The following RRM2 variants were observed in gnomAD, a reference collection of about 807,000 sequenced individuals.
The protein encoded by RRM2 is ribonucleoside-diphosphate reductase subunit M2.
Under a neutral mutation model 45.9 loss-of-function variants are expected in RRM2, and 6 were observed. That is an observed-to-expected ratio of 0.13 (90% CI 0.07 to 0.26). RRM2 has a LOEUF of 0.26. RRM2 is among the 10% of genes least tolerant of loss of function. The pLI is 1.00. For synonymous variants in RRM2, 177 were observed against 173.0 expected, an observed-to-expected ratio of 1.02 and a Z score of -0.18; for missense variants, 343 against 489.5, an observed-to-expected ratio of 0.70 and a Z score of 2.82.
chr2:10,178,284 A>C (rs1663974730), intron 3 of RRM2, among the ~76,000 whole-genome samples: 1 of 137,728 alleles, frequency 7.3e-6, no homozygotes, highest in Non-Finnish European at 1.5e-5. Context: ...GTGCAATGGC[A>C]CCATCTCAGC....
chr2:10,131,565 C>T (rs1430979379), downstream of RRM2: 2 of 152,040 alleles, frequency 1.3e-5, no homozygotes, highest in Non-Finnish European at 2.9e-5. Flanking sequence ...ATGGTGACAC[C>T]CCATCTCTAC....
chr2:10,194,626 G>C (rs1664376584), intron 3 of RRM2, among the ~76,000 whole-genome samples: 1 of 152,258 alleles, frequency 6.6e-6, no homozygotes, highest in Non-Finnish European at 1.5e-5. Context: ...GGCCGGCCTG[G>C]TGTCCCGTGC....
At chr2:10,207,086 G>A (rs1664678106) in intron 3 of RRM2, among the ~76,000 whole-genome samples, 1 of 152,154 alleles carries the variant, frequency 6.6e-6, no homozygotes, top group Non-Finnish European at 1.5e-5. Flanking sequence ...GTCCAGAAAG[G>A]ACTCACAATC....
Position 10,128,836 on chromosome 2 carries a change from T to A in RRM2, c.799-12T>A, listed in dbSNP as rs1001724121. The A allele has an allele frequency of 1.7e-5, 28 of 1,602,906 alleles. No homozygotes were observed. Among genetic ancestry groups the A allele is most frequent in the Non-Finnish European group, 2.3e-5 (27 of 1,170,282 alleles). On this transcript the variant is annotated splice_polypyrimidine_tract_variant and intron_variant, in intron 7 of 9. Coordinates refer to ENST00000304567, the MANE Select transcript of RRM2 (RefSeq NM_001034.4). ...TCTTCTGGCTTTAGTGATCTTGAAC[T>A]TTTTTTTCTAGGGTTTACACTGTGA...
rs1224344252 is a variant in RRM2, at chr2:10,162,198, A to G, written n.482+19823A>G. 2.6e-5 allele frequency among the ~76,000 whole-genome samples: 4 copies of G among 152,068 alleles called. No homozygotes were observed. The South Asian group carries it at 8.3e-4, about 31-fold the overall frequency. The stretch of plus-strand genomic sequence containing the variant: ...CGGGATGCCCGGGTGCACAGAGGGG[A>G]GGAGACAGGGCACAGCCGAGCTGCC... On this transcript the variant is annotated intron_variant and non_coding_transcript_variant, in intron 3 of 3. Transcript: ENST00000381786.
At chr2:10,194,078 C>G (rs1431558334) in intron 3 of RRM2, among the ~76,000 whole-genome samples, 1 of 152,176 alleles carries the variant, frequency 6.6e-6, no homozygotes, top group African/African-American at 2.4e-5. Context: ...TAATTCAGTC[C>G]CATCATCATT....
At chr2:10,182,383 A>C (rs1211264361) in intron 3 of RRM2, among the ~76,000 whole-genome samples, 2 of 151,448 alleles carry the variant, frequency 1.3e-5, no homozygotes, top group Non-Finnish European at 3.0e-5. Context: ...AAACCCAAAA[A>C]AAATCCCACA....
At chr2:10,210,076 G>A (rs532672071) in intron 3 of RRM2, among the ~76,000 whole-genome samples, 64 of 152,220 alleles carry the variant, frequency 4.2e-4, no homozygotes, top group African/African-American at 1.5e-3. Context: ...GTGAACAAGG[G>A]CCCCTCCTTG....
chr2:10,181,754 CTTTTT>C (rs869117515), intron 3 of RRM2, among the ~76,000 whole-genome samples: 2 of 57,246 alleles, frequency 3.5e-5, no homozygotes, highest in African/African-American at 5.8e-5. Context: ...CTCTCTCTCT[CTTTTT>C]TTTTTTTTTT....
chr2:10,191,146 G>A (rs944475047), intron 3 of RRM2, among the ~76,000 whole-genome samples: 3 of 152,210 alleles, frequency 2.0e-5, no homozygotes, highest in Non-Finnish European at 4.4e-5. Flanking sequence ...AAGGAAGTCA[G>A]GAGTGTGGCT....
chr2:10,174,735 C>T (rs1226349763), intron 3 of RRM2, among the ~76,000 whole-genome samples: 1 of 152,048 alleles, frequency 6.6e-6, no homozygotes, highest in African/African-American at 2.4e-5. Flanking sequence ...GGCGTGGTGG[C>T]ACATGCCTGT....
Position 10,124,874 on chromosome 2 carries a change from A to G in RRM2, c.569+24A>G, listed in dbSNP as rs750985058. 1.2e-5 allele frequency: 19 copies of G among 1,580,944 alleles called. No homozygotes were observed. The South Asian group carries it at 1.7e-4, about 14-fold the overall frequency. On this transcript the variant is annotated intron_variant, in intron 5 of 9. Coordinates refer to ENST00000304567, the MANE Select transcript of RRM2 (RefSeq NM_001034.4). ...AGGTGAGTATTCAAGTGGTATGCCA[A>G]GATTTTTAGGACTCACTAATTGTTG...
intron 2 of RRM2, 102 bp downstream of exon 2, chr2:10,123,159 C>T (rs1267605524): frequency 2.2e-6 from 3 of 1,386,700 alleles, no homozygotes; most frequent in African/African-American, 1.4e-5. Context: ...GCCCCGGCTC[C>T]TTTCCCGCCT....
chr2:10,122,894 C>T lies in RRM2; in HGVS notation c.96C>T (p.Asn32=). The T allele has an allele frequency of 6.3e-7, 1 of 1,584,546 alleles. No homozygotes were observed. The highest frequency in any genetic ancestry group is 8.6e-7 in the Non-Finnish European group (1 of 1,167,582). Residue 32 remains asparagine (N), a synonymous_variant, in exon 1 of 10, where the codon AAC becomes AAT. Coordinates refer to ENST00000304567, the MANE Select transcript of RRM2 (RefSeq NM_001034.4). The stretch of plus-strand genomic sequence containing the variant: ...GGCTCAGCTTGGTCGACAAGGAGAA[C>T]ACGGTGAGCCCGCGGGGAGGGCGCT... The part of the protein sequence containing the change: ...LKGLSLVDKE[N]TPPALSGTRV...
At chr2:10,174,517 C>T (rs34277496) in intron 3 of RRM2, among the ~76,000 whole-genome samples, 39,458 of 150,570 alleles carry the variant, frequency 0.26, 5,587 homozygotes, top group South Asian at 0.45. Flanking sequence ...AAACATTACC[C>T]GAGGGGTCAC....
chr2:10,129,175 C>G lies in RRM2; in HGVS notation c.1017+21C>G, dbSNP rs1336338505. The G allele has an allele frequency of 3.7e-6, 6 of 1,613,640 alleles. No homozygotes were observed. The highest frequency in any genetic ancestry group is 5.1e-6 in the Non-Finnish European group (6 of 1,179,578). On this transcript the variant is annotated intron_variant, in intron 9 of 9. Coordinates refer to ENST00000304567, the MANE Select transcript of RRM2 (RefSeq NM_001034.4). This position sits in a 1 kb window ranked among gnomAD's most constrained non-coding sequence, Gnocchi z 4.8. The stretch of plus-strand genomic sequence containing the variant: ...GCAAGGTAAAGTATTGTTTACATAG[C>G]CTTTTGCTTGTTTTGAAGCTGGTGC...
intron 3 of RRM2, among the ~76,000 whole-genome samples, chr2:10,156,658 A>T (rs1479654593): frequency 6.6e-6 from 1 of 152,198 alleles, no homozygotes; most frequent in Non-Finnish European, 1.5e-5. Context: ...TGACTGATTG[A>T]TTGGGACAGG....
In RRM2 at chr2:10,204,649, C is replaced by A. The variant is rs569190583; in HGVS notation, n.483-5662C>A. Reference sequence around the variant, plus strand: ...TAGGGACAGGACGCTAATGCATCGGCGCCCCATTGATTCTGCCTGGCTTTT... The same window carrying A: ...TAGGGACAGGACGCTAATGCATCGGAGCCCCATTGATTCTGCCTGGCTTTT... On this transcript the variant is annotated intron_variant and non_coding_transcript_variant, in intron 3 of 3. Transcript: ENST00000381786. This position sits in a 1 kb window ranked among gnomAD's most constrained non-coding sequence, Gnocchi z 4.0. Among the ~76,000 whole-genome samples the A allele has an allele frequency of 6.6e-6, 1 of 152,194 alleles. No homozygotes were observed. The highest frequency in any genetic ancestry group is 1.5e-5 in the Non-Finnish European group (1 of 68,052).
At chr2:10,210,460 A>C in exon 4 of RRM2, 1 of 1,367,838 alleles carries the variant, frequency 7.3e-7, no homozygotes, top group Non-Finnish European at 9.8e-7. Flanking sequence ...TTTCAGAATG[A>C]AGTTATCTGG....
Sources: gnomAD v4.1 joint callset for allele counts (sites outside exome capture counted in the v4.1 genomes callset) on GRCh38, gnomAD v4.1.1 for gene constraint, Gnocchi (gnomAD v3.1) non-coding constraint, MANE v1.5 for transcripts, NCBI Gene and HGNC (gene_info 2026-07-23, HGNC 2026-07-21) for gene names.